AFF3: variants seen among roughly 807,000 people sequenced by gnomAD.
The protein encoded by AFF3 is ALF transcription elongation factor 3.
In AFF3, 32 loss-of-function variants were observed where a neutral mutation model predicts 129.7. That is an observed-to-expected ratio of 0.25 (90% CI 0.19 to 0.33). AFF3 has a LOEUF of 0.33. Among genes scored for constraint, AFF3 ranks in the 10% least tolerant of loss-of-function variants. AFF3 has a pLI of 1.00. For missense variants in AFF3, 1,373 were observed against 1,592.0 expected, an observed-to-expected ratio of 0.86 and a Z score of 2.34; for synonymous variants, 644 against 635.4, an observed-to-expected ratio of 1.01 and a Z score of -0.20.
chr2:99,739,150 C>T (rs939821685), intron 10 of AFF3, among the ~76,000 whole-genome samples: 13 of 151,524 alleles, frequency 8.6e-5, no homozygotes, highest in African/African-American at 3.2e-4. Flanking sequence ...GCCAGGTGTT[C>T]CCATCACTGC....
At chr2:100,090,833 C>G (rs550596203) in intron 4 of AFF3, among the ~76,000 whole-genome samples, 6 of 152,132 alleles carry the variant, frequency 3.9e-5, no homozygotes, top group African/African-American at 1.4e-4. Flanking sequence ...TCCACCACCA[C>G]GCCTAGCTAA....
chr2:100,067,926 A>C (rs1213117406), intron 4 of AFF3, among the ~76,000 whole-genome samples: 1 of 152,202 alleles, frequency 6.6e-6, no homozygotes, highest in Non-Finnish European at 1.5e-5. Context: ...GCCTACAATA[A>C]ATGTTTGTTC....
At chr2:99,981,510 G>C (rs1489130742) in intron 7 of AFF3, among the ~76,000 whole-genome samples, 1 of 152,018 alleles carries the variant, frequency 6.6e-6, no homozygotes, top group Non-Finnish European at 1.5e-5. Flanking sequence ...TTAGAATCTT[G>C]GTTCCCAATC....
At chr2:99,948,610 C>T (rs1675857739) in intron 7 of AFF3, among the ~76,000 whole-genome samples, 1 of 152,180 alleles carries the variant, frequency 6.6e-6, no homozygotes, top group South Asian at 2.1e-4. Flanking sequence ...TTTGCAGATT[C>T]TCTGCTATCC....
chr2:100,107,578 T>TA, intron 2 of AFF3: 1 of 894,992 alleles, frequency 1.1e-6, no homozygotes. Context: ...TCTCCCCACA[T>TA]GGATGCAAGC....
In AFF3 at chr2:100,084,696, TAGAAAA is replaced by T. The variant is rs1372357288; in HGVS notation, c.53+19700_53+19705del. ...AGTTAAATCATAGAGTTAAATTTCT[TAGAAAA>T]AGAAAATGAACACAACCATAAAATA... On this transcript the variant is annotated intron_variant, in intron 4 of 24. Coordinates refer to ENST00000672756, the MANE Select transcript of AFF3 (RefSeq NM_001386135.1). Among the ~76,000 whole-genome samples the T allele has an allele frequency of 5.3e-5, 8 of 152,234 alleles. No individual in the cohort carries two copies. The East Asian group carries it at 1.3e-3, about 26-fold the overall frequency.
intron 4 of AFF3, among the ~76,000 whole-genome samples, chr2:100,062,905 G>T (rs1687411278): frequency 6.6e-6 from 1 of 152,138 alleles, no homozygotes; most frequent in Non-Finnish European, 1.5e-5. Flanking sequence ...AAAGGCTAAA[G>T]AAGTAAAAGA....
At chr2:100,080,239 C>G (rs1400962590) in intron 4 of AFF3, among the ~76,000 whole-genome samples, 1 of 152,114 alleles carries the variant, frequency 6.6e-6, no homozygotes, top group African/African-American at 2.4e-5. Context: ...GATAGAGGCA[C>G]TGTGTCTGCT....
At chr2:99,803,052 G>T (rs1032061073) in intron 8 of AFF3, among the ~76,000 whole-genome samples, 1 of 152,114 alleles carries the variant, frequency 6.6e-6, no homozygotes, top group African/African-American at 2.4e-5. Context: ...TATGGGGAAT[G>T]CTTTCAACTT....
intron 4 of AFF3, among the ~76,000 whole-genome samples, chr2:100,096,387 C>G (rs1690296710): frequency 6.6e-6 from 1 of 151,458 alleles, no homozygotes; most frequent in Non-Finnish European, 1.5e-5. Flanking sequence ...TAACCACCCC[C>G]TCACTCATCA....
Position 99,824,073 on chromosome 2 carries a change from C to T in AFF3, c.921+13404G>A, listed in dbSNP as rs111335558. 4.6e-4 allele frequency among the ~76,000 whole-genome samples: 70 copies of T among 152,228 alleles called. No individual in the cohort carries two copies. In the South Asian group the frequency reaches 0.013, roughly 29 times the overall value. On this transcript the variant is annotated intron_variant, in intron 8 of 24. Transcript: ENST00000672756. ...CCATGTAACAAACATGCCATGTACCCCCCAATCTAAAATAAGATTAAAATT... is the reference window on the plus strand; with the variant it reads ...CCATGTAACAAACATGCCATGTACCTCCCAATCTAAAATAAGATTAAAATT...
intron 8 of AFF3, among the ~76,000 whole-genome samples, chr2:99,774,677 G>C (rs900712236): frequency 6.6e-6 from 1 of 152,092 alleles, no homozygotes. Context: ...CAGGACATAG[G>C]CATGAGCAAA....
chr2:99,830,200 G>A (rs1248174266), intron 8 of AFF3, among the ~76,000 whole-genome samples: 2 of 151,964 alleles, frequency 1.3e-5, no homozygotes, highest in Admixed American at 1.3e-4. Context: ...ATGACCAGTT[G>A]ATTGGTGCAG....
chr2:99,672,689 C>T, intron 11 of AFF3, 100 bp from the exon 12 acceptor site: 1 of 1,139,334 alleles, frequency 8.8e-7, no homozygotes, highest in Non-Finnish European at 1.3e-6. Context: ...ATTAGAGCAA[C>T]ATTTTGGAAA....
At chr2:100,076,727 C>T (rs1335267933) in intron 4 of AFF3, among the ~76,000 whole-genome samples, 1 of 152,080 alleles carries the variant, frequency 6.6e-6, no homozygotes, top group African/African-American at 2.4e-5. Flanking sequence ...TACAAGGGAC[C>T]GGAACAGTAA....
chr2:99,900,724 G>A (rs1031284954), intron 7 of AFF3, among the ~76,000 whole-genome samples: 21 of 152,176 alleles, frequency 1.4e-4, no homozygotes, highest in African/African-American at 4.3e-4. Flanking sequence ...TTCTCTGAAG[G>A]TCACAGAATG....
Position 100,113,213 on chromosome 2 carries a change from A to G in AFF3, c.-144-7630T>C, listed in dbSNP as rs145568216. ...TCAGATATTGATTTACTGAACAAAC[A>G]TTATTGAACACCTATTACATGCCAA... On this transcript the variant is annotated intron_variant, in intron 2 of 24. Coordinates refer to ENST00000672756, the MANE Select transcript of AFF3 (RefSeq NM_001386135.1). Among the ~76,000 whole-genome samples, 1,423 of 152,342 alleles carry G rather than the reference A, an allele frequency of 9.3e-3. 26 individuals carry two copies. Among genetic ancestry groups the G allele is most frequent in the African/African-American group, 0.032 (1,342 of 41,568 alleles).
chr2:99,749,698 A>G (rs1487268186), intron 9 of AFF3, among the ~76,000 whole-genome samples: 1 of 152,216 alleles, frequency 6.6e-6, no homozygotes, highest in African/African-American at 2.4e-5. Context: ...TCTGATGTCA[A>G]TTCCACCAAT....
intron 2 of AFF3, among the ~76,000 whole-genome samples, chr2:100,113,517 A>T (rs986357569): frequency 6.6e-6 from 1 of 152,258 alleles, no homozygotes; most frequent in Non-Finnish European, 1.5e-5. Context: ...CTTTCCAGAA[A>T]GAACGACTGA....
Sources: gnomAD v4.1 joint callset for allele counts (sites outside exome capture counted in the v4.1 genomes callset) on GRCh38, gnomAD v4.1.1 for gene constraint, MANE v1.5 for transcripts, NCBI Gene and HGNC (gene_info 2026-07-23, HGNC 2026-07-21) for gene names.